The following RERE variants were observed in gnomAD, a reference collection of about 807,000 sequenced individuals.
RERE encodes the protein arginine-glutamic acid dipeptide repeats protein.
In RERE, 40 loss-of-function variants were observed where a neutral mutation model predicts 146.1. That is an observed-to-expected ratio of 0.27 (90% CI 0.21 to 0.36). The LOEUF (loss-of-function observed/expected upper bound fraction) is 0.36. RERE is among the 10% of genes least tolerant of loss of function. The probability of loss-of-function intolerance (pLI) is 1.00; values close to 1 mark genes in which losing one functional copy is unlikely to be tolerated. For synonymous variants in RERE, 1,003 were observed against 866.0 expected, an observed-to-expected ratio of 1.16 and a Z score of -2.78; for missense variants, 1,933 against 2,138.7, an observed-to-expected ratio of 0.90 and a Z score of 1.90.
intron 7 of RERE, among the ~76,000 whole-genome samples, chr1:8,524,007 C>A (rs923709073): frequency 6.6e-6 from 1 of 152,206 alleles, no homozygotes; most frequent in Non-Finnish European, 1.5e-5. Context: ...GAGTCCTGCC[C>A]AGATCCCACA....
chr1:8,744,495 AAAC>A lies in RERE; in HGVS notation c.-145+72662_-145+72664del, dbSNP rs570135565. ...CATTCTTAAACACGCCTACTATCTA[AAAC>A]ATACACAGCAATGTAACTGATGGGT... is the stretch of plus-strand genomic sequence containing the variant. On this transcript the variant is annotated intron_variant, in intron 1 of 22. Transcript: ENST00000400908. Among the ~76,000 whole-genome samples the A allele has an allele frequency of 4.6e-5, 7 of 152,326 alleles. No homozygotes were observed. The East Asian group carries it at 1.3e-3, about 29-fold the overall frequency.
chr1:8,424,519 G>A (rs1387945136), intron 11 of RERE: 1 of 152,250 alleles, frequency 6.6e-6, no homozygotes, highest in Non-Finnish European at 1.5e-5. Context: ...AATCTCTCAA[G>A]GCACAAGAAA....
At position 8,698,904 on chromosome 1, in the gene RERE, A is replaced by G. The variant is rs551521788; in HGVS notation, c.-144-42463T>C. Reference sequence around the variant, plus strand: ...AAGAAGCTTCTGATTAATACTCTAAAATTAAATGTTTTCTTCTTTTTTGTT... The same window carrying G: ...AAGAAGCTTCTGATTAATACTCTAAGATTAAATGTTTTCTTCTTTTTTGTT... On this transcript the variant is annotated intron_variant, in intron 1 of 22. Coordinates refer to ENST00000400908, the MANE Select transcript of RERE (RefSeq NM_001042681.2). Among the ~76,000 whole-genome samples, 6 of 152,072 alleles carry G rather than the reference A, an allele frequency of 3.9e-5. No homozygotes were observed. In the South Asian group the frequency reaches 1.2e-3, roughly 32 times the overall value.
At position 8,361,049 on chromosome 1, in the gene RERE, G is replaced by T. The variant is rs749918572; in HGVS notation, c.2458C>A (p.Pro820Thr). The T allele has an allele frequency of 7.0e-7, 1 of 1,437,888 alleles. No homozygotes were observed. The highest frequency in any genetic ancestry group is 2.5e-5 in the East Asian group (1 of 39,646). 89.1% of individuals were successfully genotyped at this position (1,437,888 alleles called of 1,614,324 possible). The change falls in exon 18 of 23, where the codon CCC (proline) becomes ACC (threonine). Residue 820 changes from proline (P) to threonine (T), a missense_variant. By Grantham distance (38) the Pro-to-Thr change is conservative. Transcript: ENST00000400908. ...RPPSPHPPPH[P>T]SPHPPLQPLT... Reference sequence around the variant, plus strand: ...GGCTGCAGCGGGGGATGTGGCGAGGGATGCGGCGGGGGATGCGGTGAGGGC... The same window carrying T: ...GGCTGCAGCGGGGGATGTGGCGAGGTATGCGGCGGGGGATGCGGTGAGGGC...
intron 1 of RERE, among the ~76,000 whole-genome samples, chr1:8,724,848 A>T (rs202137097): frequency 1.6e-5 from 2 of 125,696 alleles, no homozygotes; most frequent in African/African-American, 5.9e-5. Context: ...GAAAAAAAAA[A>T]TTTACCTTTT....
At chr1:8,355,971 C>A in intron 21 of RERE, 129 bp downstream of exon 21, 3 of 1,001,420 alleles carry the variant, frequency 3.0e-6, no homozygotes, top group Non-Finnish European at 4.2e-6. Context: ...GGACCCCCTG[C>A]ATGCAGGGGG....
At chr1:8,440,092 ATATC>A (rs2124491859) in intron 11 of RERE, among the ~76,000 whole-genome samples, 1 of 152,236 alleles carries the variant, frequency 6.6e-6, no homozygotes, top group East Asian at 1.9e-4. Flanking sequence ...CAAAAACAAA[ATATC>A]TATGGTGCAT....
intron 12 of RERE, among the ~76,000 whole-genome samples, chr1:8,378,568 C>T (rs1642341921): frequency 6.6e-6 from 1 of 152,180 alleles, no homozygotes; most frequent in Non-Finnish European, 1.5e-5. Flanking sequence ...GATGAGGACA[C>T]AGACACCCAC....
intron 7 of RERE, chr1:8,526,039 C>A: frequency 8.1e-7 from 1 of 1,240,120 alleles, no homozygotes; most frequent in Non-Finnish European, 1.0e-6. Flanking sequence ...CGCAATCAAT[C>A]TCAACCCTGC....
chr1:8,797,409 G>A (rs1373623007), intron 1 of RERE, among the ~76,000 whole-genome samples: 4 of 150,310 alleles, frequency 2.7e-5, no homozygotes, highest in African/African-American at 4.9e-5. Flanking sequence ...AATCACAAAA[G>A]AAAGATACAC....
intron 4 of RERE, among the ~76,000 whole-genome samples, chr1:8,603,299 C>T (rs1340015025): frequency 3.3e-5 from 5 of 152,200 alleles, no homozygotes; most frequent in Non-Finnish European, 7.3e-5. Context: ...TTATGCCAAA[C>T]AAAGGCAAAG....
intron 1 of RERE, among the ~76,000 whole-genome samples, chr1:8,783,849 G>A (rs778720605): frequency 1.3e-5 from 2 of 152,036 alleles, no homozygotes; most frequent in Non-Finnish European, 2.9e-5. Context: ...CTGAATGGGT[G>A]GTCCCCAGAA....
chr1:8,776,886 AT>A (rs879575743), intron 1 of RERE, among the ~76,000 whole-genome samples: 135 of 142,754 alleles, frequency 9.5e-4, no homozygotes, highest in Admixed American at 9.1e-4. Context: ...TGGCCAACTA[AT>A]TTTTTTTTTT....
intron 1 of RERE, among the ~76,000 whole-genome samples, chr1:8,763,335 A>T (rs140283121): frequency 6.6e-6 from 1 of 152,332 alleles, no homozygotes; most frequent in East Asian, 1.9e-4. Context: ...TCCATGCAGT[A>T]TTAAAAATGA....
Position 8,364,030 on chromosome 1 carries a change from G to C in RERE, c.1740+26C>G. ...CCCAGGAAACTGAAGAAGTTGCCAG[G>C]AGCCCCATGGCCCCAGGGGACTCAC... On this transcript the variant is annotated intron_variant, in intron 15 of 22. Coordinates refer to ENST00000400908, the MANE Select transcript of RERE (RefSeq NM_001042681.2). The surrounding 1 kb of genome is among the most constrained non-coding windows in gnomAD (Gnocchi z 5.1). 1.2e-6 allele frequency: 2 copies of C among 1,606,854 alleles called. No individual in the cohort carries two copies. Among genetic ancestry groups the C allele is most frequent in the Middle Eastern group, 1.7e-4 (1 of 6,006 alleles).
intron 1 of RERE, among the ~76,000 whole-genome samples, chr1:8,679,770 A>C (rs1638921909): frequency 6.6e-6 from 1 of 152,216 alleles, no homozygotes; most frequent in Non-Finnish European, 1.5e-5. Context: ...TCTGTTTTCT[A>C]CAAAACTAGA....
intron 1 of RERE, among the ~76,000 whole-genome samples, chr1:8,765,223 A>C (rs1214007587): frequency 6.6e-6 from 1 of 152,258 alleles, no homozygotes; most frequent in Non-Finnish European, 1.5e-5. Flanking sequence ...TGAAAACATT[A>C]TACTAAGTCA....
intron 12 of RERE, among the ~76,000 whole-genome samples, chr1:8,393,429 G>C (rs1642952365): frequency 6.6e-6 from 1 of 152,158 alleles, no homozygotes; most frequent in Non-Finnish European, 1.5e-5. Context: ...ATGACAAAGA[G>C]CAGTGGCTTA....
At chr1:8,355,968 C>G in intron 21 of RERE, 132 bp downstream of exon 21, 1 of 987,276 alleles carries the variant, frequency 1.0e-6, no homozygotes. Context: ...CACGGACCCC[C>G]TGCATGCAGG....
Sources: gnomAD v4.1 joint callset for allele counts (sites outside exome capture counted in the v4.1 genomes callset) on GRCh38, gnomAD v4.1.1 for gene constraint, Gnocchi (gnomAD v3.1) non-coding constraint, MANE v1.5 for transcripts, NCBI Gene and HGNC (gene_info 2026-07-23, HGNC 2026-07-21) for gene names.